RPF2: variants seen among roughly 807,000 people sequenced by gnomAD.
RPF2 encodes brix domain containing 1.
A neutral mutation model predicts 38.9 loss-of-function variants in RPF2; 21 were observed. The ratio of observed to expected loss-of-function variants is 0.54; its 90% CI spans 0.38 to 0.78. The LOEUF (loss-of-function observed/expected upper bound fraction) is 0.78, where lower values mean the gene tolerates loss of function less well. Ranked by LOEUF, RPF2 falls within the 30% of genes least tolerant of loss-of-function variation. The pLI, the probability that RPF2 is intolerant of heterozygous loss-of-function variation, is 0.00. For synonymous variants in RPF2, 121 were observed against 126.2 expected, an observed-to-expected ratio of 0.96 and a Z score of 0.28; for missense variants, 314 against 358.1, an observed-to-expected ratio of 0.88 and a Z score of 0.99.
At chr6:110,988,902 C>A in intron 2 of RPF2, 126 bp from the exon 3 acceptor site, 1 of 1,179,344 alleles carries the variant, frequency 8.5e-7, no homozygotes, top group Non-Finnish European at 1.2e-6. Flanking sequence ...GGGAGCCAGG[C>A]AGAAGCCCTC....
intron 7 of RPF2, among the ~76,000 whole-genome samples, chr6:111,014,094 C>T (rs561423768): frequency 3.0e-4 from 45 of 148,732 alleles, no homozygotes; most frequent in African/African-American, 1.1e-3. Flanking sequence ...TGCCTGCCCA[C>T]TTGTGTTTGT....
At chr6:110,991,525 G>A (rs905545169) in intron 3 of RPF2, among the ~76,000 whole-genome samples, 1 of 151,540 alleles carries the variant, frequency 6.6e-6, no homozygotes, top group African/African-American at 2.4e-5. Context: ...TATTTTCCAC[G>A]AGCCTATAAA....
intron 1 of RPF2, among the ~76,000 whole-genome samples, chr6:110,984,083 G>A (rs1205789209): frequency 6.6e-6 from 1 of 152,100 alleles, no homozygotes; most frequent in Non-Finnish European, 1.5e-5. Context: ...TTGTGGTGAA[G>A]ATTAAGCCTT....
In RPF2 at chr6:111,027,429, G is replaced by C. The variant is rs79839475; in HGVS notation, c.*1847G>C. 14 of 152,298 alleles carry C rather than the reference G, an allele frequency of 9.2e-5. No homozygotes were observed. In the East Asian group the frequency reaches 2.5e-3, roughly 27 times the overall value. The allele number at this position is 152,298 out of a possible 1,614,324, so 9.4% of individuals were successfully genotyped here. A position where few individuals can be genotyped will look rare whatever the true frequency, so the allele number is the denominator to read the frequency against. On this transcript the variant is annotated 3_prime_UTR_variant, in exon 10 of 10. Coordinates refer to ENST00000441448, the MANE Select transcript of RPF2 (RefSeq NM_032194.3). ...GCCATCTGGAGGTAGATGGACAATAGCTGAGAAGGGGAGCCATGAAAAGAA... is the reference window on the plus strand; with the variant it reads ...GCCATCTGGAGGTAGATGGACAATACCTGAGAAGGGGAGCCATGAAAAGAA...
At chr6:111,008,948 G>A (rs1370558875) in intron 7 of RPF2, among the ~76,000 whole-genome samples, 2 of 140,750 alleles carry the variant, frequency 1.4e-5, no homozygotes, top group Non-Finnish European at 3.0e-5. Context: ...TGCCCAGGCT[G>A]GAGCACAATG....
At position 111,005,396 on chromosome 6, in the gene RPF2, C is replaced by T. The variant is rs544444600; in HGVS notation, c.394-2642C>T. 2.0e-5 allele frequency among the ~76,000 whole-genome samples: 3 copies of T among 152,300 alleles called. No homozygotes were observed. In the East Asian group the frequency reaches 5.8e-4, roughly 29 times the overall value. ...CACCTTCCTCCATAAATTACTCATC[C>T]AGTTAAAGAATTTTTACTATTTCAT... On this transcript the variant is annotated intron_variant, in intron 6 of 9. Transcript: ENST00000441448.
intron 1 of RPF2, 90 bp from the exon 2 acceptor site, chr6:110,984,916 T>C (rs1048382866): frequency 6.0e-6 from 8 of 1,332,036 alleles, no homozygotes; most frequent in Non-Finnish European, 8.2e-6. Context: ...GTGACAAATA[T>C]GTTTTTAAGA....
rs1440328444 is a variant in RPF2 at position 111,027,117 on chromosome 6, G to A, written c.*1535G>A. On this transcript the variant is annotated 3_prime_UTR_variant, in exon 10 of 10. Coordinates refer to ENST00000441448, the MANE Select transcript of RPF2 (RefSeq NM_032194.3). ...CGTGCCTGTGTATACATGCCTTTAT[G>A]TAAGCTTGCTCAGCTACAGATCAAC... is the stretch of plus-strand genomic sequence containing the variant. 6.6e-6 allele frequency: 1 copy of A among 152,126 alleles called. No individual in the cohort carries two copies. Among genetic ancestry groups the A allele is most frequent in the Non-Finnish European group, 1.5e-5 (1 of 68,034 alleles). The allele number at this position is 152,126 out of a possible 1,614,324, so 9.4% of individuals were successfully genotyped here. A position where few individuals can be genotyped will look rare whatever the true frequency, so the allele number is the denominator to read the frequency against.
intron 8 of RPF2, among the ~76,000 whole-genome samples, chr6:111,023,623 A>G (rs1312777799): frequency 1.3e-5 from 2 of 152,094 alleles, no homozygotes; most frequent in African/African-American, 4.8e-5. Flanking sequence ...ACTGCCCTTG[A>G]CCTCAAAGAG....
At chr6:111,000,049 T>TA (rs55941884) in intron 6 of RPF2, among the ~76,000 whole-genome samples, 119 of 150,684 alleles carry the variant, frequency 7.9e-4, no homozygotes, top group African/African-American at 2.7e-3. Flanking sequence ...GGCCATAGTT[T>TA]TTTTATTTTT....
chr6:110,994,727 G>GTATATATATATATATATATATATATATA (rs147149680), intron 4 of RPF2, among the ~76,000 whole-genome samples: 6 of 107,388 alleles, frequency 5.6e-5, no homozygotes, highest in East Asian at 5.6e-4. Flanking sequence ...AATGGGATGA[G>GTATATATATATATATATATATATATATA]TATATATACA....
intron 4 of RPF2, among the ~76,000 whole-genome samples, chr6:110,992,444 A>ATTTT (rs1771636175): frequency 7.1e-6 from 1 of 141,214 alleles, no homozygotes; most frequent in African/African-American, 2.7e-5. Context: ...AGATGTTTTT[A>ATTTT]CTTTTTTTTT....
intron 8 of RPF2, among the ~76,000 whole-genome samples, chr6:111,017,997 G>A (rs1323994452): frequency 3.9e-5 from 6 of 152,088 alleles, no homozygotes; most frequent in Non-Finnish European, 5.9e-5. Flanking sequence ...GATCACTCGC[G>A]GTTAGGAGCT....
chr6:111,002,530 A>C (rs1027131717), intron 6 of RPF2, among the ~76,000 whole-genome samples: 5 of 151,718 alleles, frequency 3.3e-5, no homozygotes, highest in Non-Finnish European at 7.4e-5. Context: ...ATGGGGTCTC[A>C]CTATATTGCC....
chr6:111,022,078 C>T (rs1185882393), intron 8 of RPF2, among the ~76,000 whole-genome samples: 1 of 152,142 alleles, frequency 6.6e-6, no homozygotes, highest in Non-Finnish European at 1.5e-5. Flanking sequence ...GAGTCAGAGC[C>T]ATTAATATGA....
At chr6:111,008,216 T>C in intron 7 of RPF2, 79 bp downstream of exon 7, 1 of 1,431,170 alleles carries the variant, frequency 7.0e-7, no homozygotes, top group Admixed American at 2.8e-5. Context: ...ACTTTGCTAC[T>C]TTAGGTTTGT....
At chr6:110,988,656 C>T (rs1043912006) in intron 2 of RPF2, among the ~76,000 whole-genome samples, 3 of 152,230 alleles carry the variant, frequency 2.0e-5, no homozygotes, top group South Asian at 2.1e-4. Flanking sequence ...AGGCTGGTCT[C>T]GAACTCCTGG....
intron 8 of RPF2, among the ~76,000 whole-genome samples, chr6:111,023,267 T>C (rs1772265248): frequency 1.3e-5 from 2 of 152,360 alleles, no homozygotes; most frequent in South Asian, 4.1e-4. Flanking sequence ...GATCCAGAGC[T>C]GTTTAGACAT....
At chr6:111,024,902 AAGAG>A (rs1331487643) in intron 9 of RPF2, among the ~76,000 whole-genome samples, 2 of 152,314 alleles carry the variant, frequency 1.3e-5, no homozygotes, top group Admixed American at 6.5e-5. Context: ...CAGCAAAAGA[AAGAG>A]AGTTGTTTGG....
Sources: allele counts gnomAD v4.1 joint callset (sites outside exome capture counted in the v4.1 genomes callset), GRCh38; gene constraint gnomAD v4.1.1; transcripts MANE v1.5; gene names NCBI Gene and HGNC (gene_info 2026-07-23, HGNC 2026-07-21).